The following JAK2 variants were observed in gnomAD, a reference collection of about 807,000 sequenced individuals.
The protein encoded by JAK2 is tyrosine-protein kinase JAK2.
Under a neutral mutation model 139.3 loss-of-function variants are expected in JAK2, and 86 were observed. The ratio of observed to expected loss-of-function variants is 0.62; its 90% confidence interval spans 0.52 to 0.74. The LOEUF (loss-of-function observed/expected upper bound fraction) is 0.74, where lower values mean the gene tolerates loss of function less well. Ranked by LOEUF, JAK2 falls within the 30% of genes least tolerant of loss-of-function variation. JAK2 has a pLI of 0.00. For missense variants in JAK2, 1,421 were observed against 1,360.3 expected, an observed-to-expected ratio of 1.04 and a Z score of -0.70; for synonymous variants, 490 against 437.7, an observed-to-expected ratio of 1.12 and a Z score of -1.49.
intron 22 of JAK2, chr9:5,114,202 G>C: frequency 2.1e-6 from 1 of 482,112 alleles, no homozygotes. Context: ...ACCTACCTGA[G>C]CCGGTCCAGC....
chr9:5,029,841 G>C lies in JAK2; in HGVS notation c.285G>C (p.Trp95Cys). The C allele has an allele frequency of 1.2e-6, 2 of 1,610,814 alleles. No homozygotes were observed. The highest frequency in any genetic ancestry group is 1.3e-5 in the African/African-American group (1 of 74,952). The change falls in exon 4 of 25, where the codon TGG (tryptophan) becomes TGC (cysteine). Residue 95 changes from tryptophan (W) to cysteine (C), a missense_variant. Trp to Cys is a radical substitution (Grantham distance 215). Transcript: ENST00000381652. Reference protein sequence around the residue: ...FALMSETERIWYPPNHVFHID... With the variant: ...FALMSETERICYPPNHVFHID... ...TAATGAGTGAAACAGAAAGGATCTGGTATCCACCCAACCATGTCTTCCATA... is the reference window on the plus strand; with the variant it reads ...TAATGAGTGAAACAGAAAGGATCTGCTATCCACCCAACCATGTCTTCCATA...
intron 22 of JAK2, chr9:5,109,775 G>C (rs1049815453): frequency 6.6e-6 from 1 of 152,062 alleles, no homozygotes; most frequent in African/African-American, 2.4e-5. Flanking sequence ...GTTACCTGTA[G>C]AATTCTCAAT....
At chr9:5,070,092 T>C (rs1248206241) in intron 12 of JAK2, 40 bp downstream of exon 12, 1 of 1,433,408 alleles carries the variant, frequency 7.0e-7, no homozygotes, top group African/African-American at 1.4e-5. Flanking sequence ...TTTTGTCCTT[T>C]TAAAACAACA....
chr9:5,111,019 C>T (rs1051868913), intron 22 of JAK2: 5 of 788,568 alleles, frequency 6.3e-6, no homozygotes, highest in Non-Finnish European at 1.0e-5. Flanking sequence ...GAAGGGCCGG[C>T]CCGCCTCCCT....
At chr9:4,996,231 C>T (rs907206735) in intron 2 of JAK2, among the ~76,000 whole-genome samples, 1 of 151,982 alleles carries the variant, frequency 6.6e-6, no homozygotes, top group African/African-American at 2.4e-5. Flanking sequence ...TATGGATCAC[C>T]TGAGGTCAGG....
chr9:5,006,389 G>A (rs1821302279), intron 2 of JAK2, among the ~76,000 whole-genome samples: 1 of 151,916 alleles, frequency 6.6e-6, no homozygotes, highest in Admixed American at 6.6e-5. Context: ...GGAGATTTTG[G>A]GCTGAGACAA....
At chr9:5,086,238 C>A in intron 19 of JAK2, 1 of 591,112 alleles carries the variant, frequency 1.7e-6, no homozygotes, top group South Asian at 5.4e-5. Flanking sequence ...GTCTGAAAGT[C>A]GCGGTAGGAT....
chr9:5,004,351 T>G (rs1188376562), intron 2 of JAK2, among the ~76,000 whole-genome samples: 1 of 152,206 alleles, frequency 6.6e-6, no homozygotes, highest in African/African-American at 2.4e-5. Context: ...GATTTCTACT[T>G]TTTTAGATTC....
At chr9:5,104,293 C>G (rs543506085) in intron 22 of JAK2, among the ~76,000 whole-genome samples, 1 of 152,194 alleles carries the variant, frequency 6.6e-6, no homozygotes, top group Non-Finnish European at 1.5e-5. Context: ...CACCTCTACA[C>G]AAATAAACTA....
At chr9:5,033,806 T>C (rs1040390887) in intron 4 of JAK2, among the ~76,000 whole-genome samples, 1 of 152,036 alleles carries the variant, frequency 6.6e-6, no homozygotes, top group African/African-American at 2.4e-5. Flanking sequence ...GTAAAGACCA[T>C]CGAGGCTAGG....
intron 22 of JAK2, chr9:5,111,631 C>T (rs1439272359): frequency 2.7e-6 from 1 of 375,392 alleles, no homozygotes; most frequent in Non-Finnish European, 5.2e-6. Flanking sequence ...CCATGCTGGG[C>T]GGGGGCTCAT....
intron 22 of JAK2, among the ~76,000 whole-genome samples, chr9:5,093,034 A>G (rs1188771516): frequency 2.0e-5 from 3 of 152,156 alleles, no homozygotes; most frequent in Admixed American, 1.3e-4. Flanking sequence ...TAATCACTCT[A>G]CGGAACTCCT....
chr9:5,082,507 C>T (rs1292840748), intron 19 of JAK2, among the ~76,000 whole-genome samples: 1 of 152,168 alleles, frequency 6.6e-6, no homozygotes, highest in Non-Finnish European at 1.5e-5. Flanking sequence ...GGTTTTATAC[C>T]GAGGCATTCA....
chr9:5,047,515 G>A (rs1444781895), intron 5 of JAK2, among the ~76,000 whole-genome samples: 1 of 152,144 alleles, frequency 6.6e-6, no homozygotes. Flanking sequence ...AACAACAATT[G>A]GATGTTTACC....
chr9:4,990,559 C>T lies in JAK2; in HGVS notation c.-26+4537C>T, dbSNP rs1330000780. The stretch of plus-strand genomic sequence containing the variant: ...CTTAAGAGAAAAGAGTGGGATTGCC[C>T]ATAATTAGCGGGTGGGTGAAAGGAG... On this transcript the variant is annotated intron_variant, in intron 2 of 24. Coordinates refer to ENST00000381652, the MANE Select transcript of JAK2 (RefSeq NM_004972.4). 2.6e-5 allele frequency among the ~76,000 whole-genome samples: 4 copies of T among 151,690 alleles called. No homozygotes were observed. The East Asian group carries it at 7.7e-4, about 29-fold the overall frequency.
At chr9:5,116,571 C>G (rs1823191385) in intron 22 of JAK2, among the ~76,000 whole-genome samples, 2 of 152,066 alleles carry the variant, frequency 1.3e-5, no homozygotes, top group Non-Finnish European at 2.9e-5. Context: ...ATAAAATTAG[C>G]TGGCAATCAA....
rs1490499149 is a variant in JAK2 at position 5,055,799 on chromosome 9, T to C, written c.1056+11T>C. 1 of 1,604,548 alleles carries C rather than the reference T, an allele frequency of 6.2e-7. No individual in the cohort carries two copies. The highest frequency in any genetic ancestry group is 8.5e-7 in the Non-Finnish European group (1 of 1,173,816). The stretch of plus-strand genomic sequence containing the variant: ...GATGGTAAAAATCTGGTAAGTTTGC[T>C]TTATGATTGAATAATGGTTTCATTT... On this transcript the variant is annotated intron_variant, in intron 8 of 24. Coordinates refer to ENST00000381652, the MANE Select transcript of JAK2 (RefSeq NM_004972.4).
At chr9:5,077,026 A>G (rs1294538016) in intron 14 of JAK2, among the ~76,000 whole-genome samples, 1 of 152,014 alleles carries the variant, frequency 6.6e-6, no homozygotes. Context: ...GCTAGAACTC[A>G]AATTCTCCTT....
intron 19 of JAK2, chr9:5,086,015 A>G (rs987809049): frequency 2.5e-6 from 2 of 814,746 alleles, no homozygotes; most frequent in South Asian, 1.3e-5. Flanking sequence ...GTGATATACT[A>G]TATACATTTG....
Sources: gnomAD v4.1 joint callset for allele counts (sites outside exome capture counted in the v4.1 genomes callset) on GRCh38, gnomAD v4.1.1 for gene constraint, MANE v1.5 for transcripts, NCBI Gene and HGNC (gene_info 2026-07-23, HGNC 2026-07-21) for gene names.